SURF6: variants seen among roughly 807,000 people sequenced by gnomAD.
SURF6 encodes the protein surfeit locus protein 6.
A neutral mutation model predicts 37.5 loss-of-function variants in SURF6; 28 were observed. That is an observed-to-expected ratio of 0.75 (90% CI 0.55 to 1.02). The LOEUF (loss-of-function observed/expected upper bound fraction) is 1.02. Ranked by LOEUF, SURF6 falls within the 50% of genes least tolerant of loss-of-function variation. SURF6 has a pLI of 0.00. For synonymous variants in SURF6, 248 were observed against 210.9 expected (o/e 1.18, Z -1.52); for missense variants, 560 against 490.5 (o/e 1.14, Z -1.34).
At position 133,334,513 on chromosome 9, in the gene SURF6, C is replaced by T; in HGVS notation, c.183G>A (p.Lys61=). 6.2e-6 allele frequency: 10 copies of T among 1,614,108 alleles called. No individual in the cohort carries two copies. The highest frequency in any genetic ancestry group is 8.5e-6 in the Non-Finnish European group (10 of 1,180,026). ...AGGACTTGGCCTTGTGCTCAGCAGC[C>T]TTCTCTTCTCGCTTCCGGAATTTCT... ...TQKKFRKREE[K]AAEHKAKSLG... The change falls in exon 2 of 5, where the codon AAG becomes AAA. Residue 61 remains lysine (K), a synonymous_variant. Transcript: ENST00000372022.
chr9:133,334,704 G>T, intron 1 of SURF6, 103 bp from the exon 2 acceptor site: 1 of 1,390,598 alleles, frequency 7.2e-7, no homozygotes, highest in Non-Finnish European at 9.8e-7. Context: ...GCCGAAAGAG[G>T]ATCAGGATCG....
At chr9:133,332,811 C>T (rs2129921658) in intron 3 of SURF6, 51 bp from the exon 4 acceptor site, 1 of 1,556,340 alleles carries the variant, frequency 6.4e-7, no homozygotes. Flanking sequence ...CCCAGGGTCC[C>T]CCAGCCTGGC....
chr9:133,332,975 A>G, intron 3 of SURF6: 1 of 597,720 alleles, frequency 1.7e-6, no homozygotes, highest in Non-Finnish European at 3.0e-6. Flanking sequence ...CACAGCTTCC[A>G]ATTCCCGGGT....
intron 3 of SURF6, 171 bp from the exon 4 acceptor site, chr9:133,332,931 C>A: frequency 1.6e-6 from 1 of 644,556 alleles, no homozygotes; most frequent in Non-Finnish European, 2.6e-6. Flanking sequence ...AAGCAAATGA[C>A]CCCAAAAGAG....
chr9:133,332,808 TC>T (rs2129921653), intron 3 of SURF6, 48 bp from the exon 4 acceptor site: 3 of 1,577,024 alleles, frequency 1.9e-6, no homozygotes, highest in Non-Finnish European at 1.7e-6. Context: ...GATCCCAGGG[TC>T]CCCCAGCCTG....
At chr9:133,333,516 G>A (rs950003236) in intron 3 of SURF6, among the ~76,000 whole-genome samples, 1 of 152,206 alleles carries the variant, frequency 6.6e-6, no homozygotes, top group Non-Finnish European at 1.5e-5. Flanking sequence ...AGCAAAGGCA[G>A]CTTCCCAGAA....
intron 2 of SURF6, 59 bp from the exon 3 acceptor site, chr9:133,333,865 A>C: frequency 3.5e-6 from 5 of 1,432,908 alleles, no homozygotes; most frequent in South Asian, 2.4e-5. Context: ...CTCCCTCCCT[A>C]GGGCCACGAA....
Position 133,332,717 on chromosome 9 carries a change from C to T in SURF6, c.437G>A (p.Arg146Gln), listed in dbSNP as rs11539431. The T allele has an allele frequency of 4.8e-5, 78 of 1,611,926 alleles. No homozygotes were observed. Among genetic ancestry groups the T allele is most frequent in the East Asian group, 4.5e-5 (2 of 44,878 alleles). Residue 146 changes from arginine (R) to glutamine (Q), a missense_variant, in exon 4 of 5, where the codon CGG becomes CAG. Coordinates refer to ENST00000372022, the MANE Select transcript of SURF6 (RefSeq NM_006753.6). ...CCGGTCCCGTTCCTGCTTTCTCCGC[C>T]GCCTTTTCTCCAAGGCGGCAGGGGA... ...ELSPAALEKRRRRKQERDRKK... is the reference protein window; with the variant it reads ...ELSPAALEKRQRRKQERDRKK...
At chr9:133,336,005 G>A (rs2129933389) in intron 1 of SURF6, 34 bp downstream of exon 1, 1 of 1,586,834 alleles carries the variant, frequency 6.3e-7, no homozygotes, top group South Asian at 1.1e-5. Context: ...CCGTTTCGCA[G>A]GCCCCTTAGT....
rs1835679227 is a variant in SURF6, at chr9:133,329,778, A to G, written c.*2091T>C. 1 of 152,208 alleles carries G rather than the reference A, an allele frequency of 6.6e-6. No homozygotes were observed. Among genetic ancestry groups the G allele is most frequent in the African/African-American group, 2.4e-5 (1 of 41,448 alleles). The allele number at this position is 152,208 out of a possible 1,614,324, so 9.4% of individuals were successfully genotyped here. A position where few individuals can be genotyped will look rare whatever the true frequency, so the allele number is the denominator to read the frequency against. The stretch of plus-strand genomic sequence containing the variant: ...CTTGTTTTATATTTTATTATACTGG[A>G]ACAGCTCGTGTCCTCTGTCTCTTGC... On this transcript the variant is annotated 3_prime_UTR_variant, in exon 5 of 5. Transcript: ENST00000372022.
rs1767270413 is a variant in SURF6, at chr9:133,328,861, C to T, written c.*3008G>A. The T allele has an allele frequency of 6.6e-6, 1 of 152,308 alleles. No homozygotes were observed. The highest frequency in any genetic ancestry group is 6.5e-5 in the Admixed American group (1 of 15,292). The allele number at this position is 152,308 out of a possible 1,614,324, so 9.4% of individuals were successfully genotyped here. ...AGCCCCACAGGGTCCGTGGGTCTCT[C>T]CCTCCCTGTGTGCAGCAATGAGAGA... On this transcript the variant is annotated 3_prime_UTR_variant, in exon 5 of 5. Coordinates refer to ENST00000372022, the MANE Select transcript of SURF6 (RefSeq NM_006753.6).
At chr9:133,335,968 C>T in intron 1 of SURF6, 71 bp downstream of exon 1, 1 of 1,273,256 alleles carries the variant, frequency 7.9e-7, no homozygotes, top group Non-Finnish European at 1.1e-6. Flanking sequence ...TTTACAGACT[C>T]GTCTACACCG....
Position 133,331,719 on chromosome 9 carries a change from G to T in SURF6, c.*150C>A. 9.9e-7 allele frequency: 1 copy of T among 1,005,142 alleles called. No individual in the cohort carries two copies. The highest frequency in any genetic ancestry group is 1.3e-6 in the Non-Finnish European group (1 of 752,072). The allele number at this position is 1,005,142 out of a possible 1,614,324, so 62.3% of individuals were successfully genotyped here. ...TTCTCACATGGGATCTGTGATCTGG[G>T]CCCTCACAACTCAGCAGAGCACCAC... On this transcript the variant is annotated 3_prime_UTR_variant, in exon 5 of 5. Transcript: ENST00000372022.
intron 2 of SURF6, among the ~76,000 whole-genome samples, 192 bp from the exon 3 acceptor site, chr9:133,333,998 G>C (rs866667229): frequency 6.6e-6 from 1 of 152,176 alleles, no homozygotes; most frequent in South Asian, 2.1e-4. Context: ...TGCCTCACGA[G>C]GTAGGTCACC....
In SURF6 at chr9:133,332,581, C is replaced by A; in HGVS notation, c.573G>T (p.Glu191Asp). 1 of 1,609,558 alleles carries A rather than the reference C, an allele frequency of 6.2e-7. No individual in the cohort carries two copies. Among genetic ancestry groups the A allele is most frequent in the Non-Finnish European group, 8.5e-7 (1 of 1,179,982 alleles). Residue 191 changes from glutamate (E) to aspartate (D), a missense_variant, in exon 4 of 5, where the codon GAG becomes GAT. Transcript: ENST00000372022. ...VEATPEGACT[E>D]PREPPGLIFN... Reference sequence around the variant, plus strand: ...AGATCAGCCCGGGCGGCTCCCGCGGCTCCGTGCAGGCCCCCTCTGGGGTTG... The same window carrying A: ...AGATCAGCCCGGGCGGCTCCCGCGGATCCGTGCAGGCCCCCTCTGGGGTTG...
Position 133,331,586 on chromosome 9 carries a change from G to A in SURF6, c.*283C>T. Reference sequence around the variant, plus strand: ...CCTCCCTGACCCTGCAAACCTCGGGGAAGCTTTCAGGCCCGGGAAAGCAGA... The same window carrying A: ...CCTCCCTGACCCTGCAAACCTCGGGAAAGCTTTCAGGCCCGGGAAAGCAGA... On this transcript the variant is annotated 3_prime_UTR_variant, in exon 5 of 5. Transcript: ENST00000372022. 1 of 387,946 alleles carries A rather than the reference G, an allele frequency of 2.6e-6. No homozygotes were observed. The highest frequency in any genetic ancestry group is 4.5e-6 in the Non-Finnish European group (1 of 223,706). The allele number at this position is 387,946 out of a possible 1,614,324, so 24.0% of individuals were successfully genotyped here.
chr9:133,330,242 A>T lies in SURF6; in HGVS notation c.*1627T>A, dbSNP rs1253380642. On this transcript the variant is annotated 3_prime_UTR_variant, in exon 5 of 5. Coordinates refer to ENST00000372022, the MANE Select transcript of SURF6 (RefSeq NM_006753.6). Reference sequence around the variant, plus strand: ...GCTTTAGCTCTGTTCCACAAATCTTAAATTTTTTCTTTTTGAGACAGTCTT... The same window carrying T: ...GCTTTAGCTCTGTTCCACAAATCTTTAATTTTTTCTTTTTGAGACAGTCTT... 2 of 152,112 alleles carry T rather than the reference A, an allele frequency of 1.3e-5. No individual in the cohort carries two copies. The highest frequency in any genetic ancestry group is 2.4e-5 in the African/African-American group (1 of 41,426). 9.4% of individuals were successfully genotyped at this position (152,112 alleles called of 1,614,324 possible). A position where few individuals can be genotyped will look rare whatever the true frequency, so the allele number is the denominator to read the frequency against.
In SURF6 at chr9:133,329,507, G is replaced by C. The variant is rs188422002; in HGVS notation, c.*2362C>G. 6.4e-4 allele frequency: 153 copies of C among 239,504 alleles called. No homozygotes were observed. The highest frequency in any genetic ancestry group is 3.3e-3 in the African/African-American group (144 of 43,194). 14.8% of individuals were successfully genotyped at this position (239,504 alleles called of 1,614,324 possible). On this transcript the variant is annotated 3_prime_UTR_variant, in exon 5 of 5. Coordinates refer to ENST00000372022, the MANE Select transcript of SURF6 (RefSeq NM_006753.6). ...GCAACGGGCGTCTTCCCAGACGCTGGCGTCACCGCTAGACCAAGGAGCCCT... is the reference window on the plus strand; with the variant it reads ...GCAACGGGCGTCTTCCCAGACGCTGCCGTCACCGCTAGACCAAGGAGCCCT...
rs1346364645 is a variant in SURF6, at chr9:133,329,807, G to T, written c.*2062C>A. ...GCTCGTGTCCTCTGTCTCTTGCCTC[G>T]GCGCCTGGGTGGCTTGCCGCCCACA... is the stretch of plus-strand genomic sequence containing the variant. On this transcript the variant is annotated 3_prime_UTR_variant, in exon 5 of 5. Transcript: ENST00000372022. 6.6e-6 allele frequency: 1 copy of T among 152,158 alleles called. No homozygotes were observed. Among genetic ancestry groups the T allele is most frequent in the African/African-American group, 2.4e-5 (1 of 41,490 alleles). 9.4% of individuals were successfully genotyped at this position (152,158 alleles called of 1,614,324 possible).
Sources: gnomAD v4.1 joint callset for allele counts (sites outside exome capture counted in the v4.1 genomes callset) on GRCh38, gnomAD v4.1.1 for gene constraint, MANE v1.5 for transcripts, NCBI Gene and HGNC (gene_info 2026-07-23, HGNC 2026-07-21) for gene names.